DOCK4: variants seen among roughly 807,000 people sequenced by gnomAD.
The protein encoded by DOCK4 is dedicator of cytokinesis protein 4.
In DOCK4, 97 loss-of-function variants were observed where a neutral mutation model predicts 268.1. The observed-to-expected ratio is 0.36, with a 90% CI of 0.31 to 0.43. DOCK4 has a LOEUF of 0.43. Ranked by LOEUF, DOCK4 falls within the 20% of genes least tolerant of loss-of-function variation. The pLI is 1.00. For synonymous variants in DOCK4, 954 were observed against 887.2 expected, an observed-to-expected ratio of 1.08 and a Z score of -1.34; for missense variants, 2,145 against 2,455.7, an observed-to-expected ratio of 0.87 and a Z score of 2.67.
intron 52 of DOCK4, among the ~76,000 whole-genome samples, chr7:111,729,671 C>T (rs1314456683): frequency 6.6e-6 from 1 of 152,170 alleles, no homozygotes; most frequent in African/African-American, 2.4e-5. Flanking sequence ...TTTGGGGGCG[C>T]TATTCACTTT....
chr7:112,138,566 A>G (rs778184182), intron 1 of DOCK4, among the ~76,000 whole-genome samples: 2 of 152,226 alleles, frequency 1.3e-5, no homozygotes, highest in Non-Finnish European at 2.9e-5. Flanking sequence ...AATAGCATAC[A>G]GGAAGAAGGC....
Sources: gnomAD v4.1 joint callset for allele counts (sites outside exome capture counted in the v4.1 genomes callset) on GRCh38, gnomAD v4.1.1 for gene constraint, MANE v1.5 for transcripts, NCBI Gene and HGNC (gene_info 2026-07-23, HGNC 2026-07-21) for gene names.